NCKAP5: variants seen among roughly 807,000 people sequenced by gnomAD.
NCKAP5 encodes NCK associated protein 5, also known as nck-associated protein 5.
NCKAP5 carries 92 observed loss-of-function variants against 167.0 expected under a neutral mutation model. The observed-to-expected ratio is 0.55, with a 90% CI of 0.47 to 0.66. The LOEUF is 0.66. Ranked by LOEUF, NCKAP5 falls within the 30% of genes least tolerant of loss-of-function variation. The probability of loss-of-function intolerance (pLI) is 0.00; values close to 1 mark genes in which losing one functional copy is unlikely to be tolerated. For missense variants in NCKAP5, 2,378 were observed against 2,315.0 expected, an observed-to-expected ratio of 1.03 and a Z score of -0.56; for synonymous variants, 891 against 877.4, an observed-to-expected ratio of 1.02 and a Z score of -0.27.
intron 5 of NCKAP5, among the ~76,000 whole-genome samples, chr2:133,176,011 A>C (rs1436222445): frequency 6.6e-6 from 1 of 152,198 alleles, no homozygotes; most frequent in Non-Finnish European, 1.5e-5. Context: ...TGTACATGCT[A>C]ACAAAGAGCC....
intron 6 of NCKAP5, among the ~76,000 whole-genome samples, chr2:133,077,662 G>A (rs2080654024): frequency 6.6e-6 from 1 of 152,126 alleles, no homozygotes; most frequent in South Asian, 2.1e-4. Flanking sequence ...AAAACACAAG[G>A]GGACGCAAAA....
At chr2:133,638,788 G>A in the NCKAP5 span, among the ~76,000 whole-genome samples, 1 of 150,726 alleles carries the variant, frequency 6.6e-6, no homozygotes, top group South Asian at 2.1e-4. Context: ...GAACCCAGGG[G>A]CAGAAGTTGC....
intron 6 of NCKAP5, among the ~76,000 whole-genome samples, chr2:133,064,081 A>C (rs1203450073): frequency 1.3e-5 from 2 of 152,218 alleles, no homozygotes; most frequent in Non-Finnish European, 2.9e-5. Flanking sequence ...TTCTCTCCTC[A>C]CAGAGGTGCT....
At chr2:133,366,973 A>G (rs768316923) in intron 3 of NCKAP5, among the ~76,000 whole-genome samples, 1 of 152,234 alleles carries the variant, frequency 6.6e-6, no homozygotes, top group Middle Eastern at 3.2e-3. Flanking sequence ...TGAAAATGAC[A>G]CCAATGGCCC....
chr2:133,226,660 G>A (rs1489841967), intron 4 of NCKAP5, among the ~76,000 whole-genome samples: 1 of 121,600 alleles, frequency 8.2e-6, no homozygotes, highest in Non-Finnish European at 1.9e-5. Flanking sequence ...ACCATGTGAA[G>A]ATGAAAGCAT....
chr2:133,292,573 A>G (rs1423581838), intron 4 of NCKAP5, among the ~76,000 whole-genome samples: 1 of 152,234 alleles, frequency 6.6e-6, no homozygotes, highest in Non-Finnish European at 1.5e-5. Context: ...TAAAAATAAC[A>G]AAAGTGTGTT....
At chr2:132,683,185 T>A (rs767188820) in intron 19 of NCKAP5, among the ~76,000 whole-genome samples, 1 of 152,010 alleles carries the variant, frequency 6.6e-6, no homozygotes, top group Non-Finnish European at 1.5e-5. Flanking sequence ...CACATAAAGA[T>A]AGTCTATAGA....
At chr2:133,128,338 G>A (rs960461646) in intron 6 of NCKAP5, among the ~76,000 whole-genome samples, 1 of 152,174 alleles carries the variant, frequency 6.6e-6, no homozygotes, top group African/African-American at 2.4e-5. Context: ...AAATGGTGAA[G>A]TATAGAAATG....
the NCKAP5 span, among the ~76,000 whole-genome samples, chr2:133,594,919 T>C: frequency 6.6e-6 from 1 of 152,098 alleles, no homozygotes; most frequent in Admixed American, 6.5e-5. Flanking sequence ...AAACACACAC[T>C]GAGCGTTTTA....
At position 132,977,299 on chromosome 2, in the gene NCKAP5, C is replaced by A. The variant is rs973070462; in HGVS notation, c.430-13430G>T. 2.6e-5 allele frequency among the ~76,000 whole-genome samples: 4 copies of A among 152,112 alleles called. No individual in the cohort carries two copies. The East Asian group carries it at 7.7e-4, about 29-fold the overall frequency. ...ATTCTTAAGTACTTTCAACAGAAAA[C>A]ATTTTTTAAACAAGTATTTTGGCAC... is the stretch of plus-strand genomic sequence containing the variant. On this transcript the variant is annotated intron_variant, in intron 7 of 19. Coordinates refer to ENST00000409261, the MANE Select transcript of NCKAP5 (RefSeq NM_207363.3).
intron 16 of NCKAP5, among the ~76,000 whole-genome samples, chr2:132,767,866 G>A (rs941439233): frequency 6.6e-6 from 1 of 152,244 alleles, no homozygotes; most frequent in Non-Finnish European, 1.5e-5. Flanking sequence ...GTGGCAGGAT[G>A]CTTTGGAGGC....
chr2:132,811,262 C>T (rs529264982), intron 11 of NCKAP5, among the ~76,000 whole-genome samples: 69 of 152,180 alleles, frequency 4.5e-4, no homozygotes, highest in Non-Finnish European at 8.4e-4. Flanking sequence ...TAGGAGGTGG[C>T]GCTTTCCAGA....
At chr2:133,084,211 C>G (rs973004853) in intron 6 of NCKAP5, among the ~76,000 whole-genome samples, 2 of 152,076 alleles carry the variant, frequency 1.3e-5, no homozygotes, top group Non-Finnish European at 2.9e-5. Context: ...GAACCATGCA[C>G]ATGCCTGGGA....
intron 2 of NCKAP5, among the ~76,000 whole-genome samples, chr2:133,543,746 A>C (rs1686422617): frequency 6.6e-6 from 1 of 152,118 alleles, no homozygotes; most frequent in East Asian, 1.9e-4. Context: ...CCTTATGAAA[A>C]CTGTATCTTT....
Position 133,339,853 on chromosome 2 carries a change from T to C in NCKAP5, c.70-36743A>G, listed in dbSNP as rs1046808268. ...TCTGTCCCATCCTGTAAGTAGGCCATACATTTTATGGAAAACAATTTAAAA... is the reference window on the plus strand; with the variant it reads ...TCTGTCCCATCCTGTAAGTAGGCCACACATTTTATGGAAAACAATTTAAAA... On this transcript the variant is annotated intron_variant, in intron 3 of 19. Coordinates refer to ENST00000409261, the MANE Select transcript of NCKAP5 (RefSeq NM_207363.3). 2.6e-5 allele frequency among the ~76,000 whole-genome samples: 4 copies of C among 152,346 alleles called. 1 individual carries two copies. Among genetic ancestry groups the C allele is most frequent in the African/African-American group, 9.6e-5 (4 of 41,584 alleles).
intron 5 of NCKAP5, among the ~76,000 whole-genome samples, chr2:133,196,002 G>T (rs550898461): frequency 6.6e-6 from 1 of 152,280 alleles, no homozygotes; most frequent in South Asian, 2.1e-4. Context: ...ATAAAGAGGA[G>T]ACCCATGGCT....
intron 7 of NCKAP5, among the ~76,000 whole-genome samples, chr2:132,985,359 T>C (rs1332765857): frequency 6.6e-6 from 1 of 152,206 alleles, no homozygotes; most frequent in Non-Finnish European, 1.5e-5. Context: ...TTTAAAACTC[T>C]TCTATTCCTT....
At chr2:133,352,914 G>T (rs539348981) in intron 3 of NCKAP5, among the ~76,000 whole-genome samples, 35 of 152,290 alleles carry the variant, frequency 2.3e-4, no homozygotes, top group African/African-American at 8.4e-4. Flanking sequence ...CCAGATGTTG[G>T]CAAAATAAAA....
intron 4 of NCKAP5, among the ~76,000 whole-genome samples, chr2:133,248,166 T>C (rs2088101146): frequency 2.0e-5 from 3 of 152,194 alleles, no homozygotes; most frequent in Admixed American, 2.0e-4. Context: ...TTTCGTTGAT[T>C]TCATTACAGC....
Sources: gnomAD v4.1 joint callset for allele counts (sites outside exome capture counted in the v4.1 genomes callset) on GRCh38, gnomAD v4.1.1 for gene constraint, MANE v1.5 for transcripts, NCBI Gene and HGNC (gene_info 2026-07-23, HGNC 2026-07-21) for gene names.